Variants in GNAS observed in about 807,000 individuals in gnomAD.
The protein encoded by GNAS is protein ALEX.
A neutral mutation model predicts 54.5 loss-of-function variants in GNAS; 8 were observed. That is an observed-to-expected ratio of 0.15 (90% CI 0.09 to 0.26). GNAS has a LOEUF of 0.26. GNAS is among the 10% of genes least tolerant of loss of function. GNAS has a pLI of 1.00. For missense variants in GNAS, 170 were observed against 529.8 expected (o/e 0.32, Z 6.67); for synonymous variants, 204 against 191.4 (o/e 1.07, Z -0.54).
chr20:58,855,976 T>G, intron 1 of GNAS: 1 of 278,130 alleles, frequency 3.6e-6, no homozygotes, highest in East Asian at 6.5e-5. Context: ...TGGTGGTACC[T>G]GCGCCCGGGC....
At chr20:58,895,118 G>C (rs1468683079) in intron 1 of GNAS, 1 of 211,064 alleles carries the variant, frequency 4.7e-6, no homozygotes, top group Non-Finnish European at 9.6e-6. Flanking sequence ...GCATCGCTAC[G>C]TGATGTGGAA....
chr20:58,910,799 C>T lies in GNAS; in HGVS notation c.1155C>T (p.Arg385=). ...ACGACTGCCGTGACATCATTCAGCG[C>T]ATGCACCTTCGTCAGTACGAGCTGC... ...VFNDCRDIIQ[R]MHLRQYELL The change falls in exon 13 of 13, where the codon CGC becomes CGT. Residue 385 remains arginine, a synonymous_variant. Coordinates refer to ENST00000371085, the MANE Select transcript of GNAS (RefSeq NM_000516.7). This position sits in a 1 kb window ranked among gnomAD's most constrained non-coding sequence, Gnocchi z 5.8. The T allele has an allele frequency of 6.2e-7, 1 of 1,614,192 alleles. No homozygotes were observed. The highest frequency in any genetic ancestry group is 8.5e-7 in the Non-Finnish European group (1 of 1,180,028).
chr20:58,888,537 C>T (rs1012611153), upstream of GNAS: 2 of 152,210 alleles, frequency 1.3e-5, no homozygotes, highest in Non-Finnish European at 2.9e-5. Flanking sequence ...ACTACTTTTC[C>T]CTCTGTTCCA....
At chr20:58,849,982 CAG>C (rs2086092262) in intron 1 of GNAS, among the ~76,000 whole-genome samples, 1 of 152,192 alleles carries the variant, frequency 6.6e-6, no homozygotes, top group Non-Finnish European at 1.5e-5. Flanking sequence ...ATGGCATCCT[CAG>C]AGAGATTCTA....
In GNAS at chr20:58,896,228, A is replaced by ATT. The variant is rs5842244; in HGVS notation, c.212+551_212+552dup. 6.9e-3 allele frequency among the ~76,000 whole-genome samples: 1,048 copies of ATT among 151,716 alleles called. 7 individuals are homozygous for ATT. Among genetic ancestry groups the ATT allele is most frequent in the Non-Finnish European group, 0.012 (789 of 67,826 alleles). On this transcript the variant is annotated intron_variant, in intron 2 of 12. Coordinates refer to ENST00000371085, the MANE Select transcript of GNAS (RefSeq NM_000516.7). ...TGGCAGCCCGTGTTTACAGTTTCTC[A>ATT]TTTTTTTTGTCCCCCTTTAAATTAC...
At chr20:58,848,681 A>G (rs1436003456) in intron 1 of GNAS, among the ~76,000 whole-genome samples, 2 of 152,140 alleles carry the variant, frequency 1.3e-5, no homozygotes, top group Non-Finnish European at 2.9e-5. Context: ...GGATCACCAG[A>G]CAAGCCAACC....
At chr20:58,893,381 A>G (rs994646482) in intron 1 of GNAS, among the ~76,000 whole-genome samples, 1 of 152,244 alleles carries the variant, frequency 6.6e-6, no homozygotes, top group African/African-American at 2.4e-5. Context: ...TTAATTAAAA[A>G]TGGAAGTTTT....
chr20:58,870,055 C>T (rs1057066770), intron 1 of GNAS, among the ~76,000 whole-genome samples: 1 of 152,222 alleles, frequency 6.6e-6, no homozygotes, highest in Non-Finnish European at 1.5e-5. Context: ...AGGCCTCCCA[C>T]ACAAGGACCT....
At chr20:58,851,520 T>C (rs1254769994) in intron 1 of GNAS, among the ~76,000 whole-genome samples, 1 of 152,188 alleles carries the variant, frequency 6.6e-6, no homozygotes, top group Non-Finnish European at 1.5e-5. Context: ...GAGACCGACC[T>C]GATGCGCACC....
rs2085729942 is a variant in GNAS, at chr20:58,841,582, C to CA, written c.43+697dup. ...AGCCCGCCTCCCGTCGCTCGCGGGA[C>CA]AGAGACCGCCTCAAAGAGCGTGCGC... On this transcript the variant is annotated intron_variant, in intron 1 of 12. Coordinates refer to the GNAS transcript ENST00000306090. This position sits in a 1 kb window ranked among gnomAD's most constrained non-coding sequence, Gnocchi z 5.0. The CA allele has an allele frequency of 9.9e-6, 10 of 1,011,204 alleles. No individual in the cohort carries two copies. The highest frequency in any genetic ancestry group is 1.2e-5 in the Non-Finnish European group (10 of 847,586). 62.6% of individuals were successfully genotyped at this position (1,011,204 alleles called of 1,614,324 possible). A position where few individuals can be genotyped will look rare whatever the true frequency, so the allele number is the denominator to read the frequency against.
intron 6 of GNAS, among the ~76,000 whole-genome samples, chr20:58,908,149 T>G (rs1415099198): frequency 6.6e-6 from 1 of 152,184 alleles, no homozygotes; most frequent in African/African-American, 2.4e-5. Flanking sequence ...TTAAATAAAC[T>G]TTTCTCTCTT....
Position 58,904,622 on chromosome 20 carries a change from T to C in GNAS, c.433-761T>C, listed in dbSNP as rs534794902. 9.2e-5 allele frequency among the ~76,000 whole-genome samples: 14 copies of C among 152,200 alleles called. No homozygotes were observed. In the East Asian group the frequency reaches 2.7e-3, roughly 29 times the overall value. On this transcript the variant is annotated intron_variant, in intron 5 of 12. Coordinates refer to ENST00000371085, the MANE Select transcript of GNAS (RefSeq NM_000516.7). ...ACTTGTCTACAGCTAAAACAATGAGTTATTGTTGCCTTTTGTCAGGCTTTC... is the reference window on the plus strand; with the variant it reads ...ACTTGTCTACAGCTAAAACAATGAGCTATTGTTGCCTTTTGTCAGGCTTTC...
chr20:58,878,093 T>C (rs189489845), intron 1 of GNAS, among the ~76,000 whole-genome samples: 2 of 152,314 alleles, frequency 1.3e-5, no homozygotes, highest in African/African-American at 4.8e-5. Flanking sequence ...CAACAGGAAG[T>C]GCAGGCTGTG....
intron 1 of GNAS, among the ~76,000 whole-genome samples, chr20:58,893,118 A>C (rs928170624): frequency 1.6e-5 from 2 of 122,924 alleles, no homozygotes; most frequent in African/African-American, 6.6e-5. Flanking sequence ...GGGGGGATTG[A>C]GAGTGCTCTA....
chr20:58,872,818 G>C (rs1291364350), intron 1 of GNAS, among the ~76,000 whole-genome samples: 1 of 152,158 alleles, frequency 6.6e-6, no homozygotes, highest in Non-Finnish European at 1.5e-5. Flanking sequence ...TCCTGGCATT[G>C]GTGGGGAAAA....
intron 1 of GNAS, among the ~76,000 whole-genome samples, chr20:58,878,256 G>A (rs1247937652): frequency 2.6e-5 from 4 of 152,228 alleles, no homozygotes; most frequent in Non-Finnish European, 5.9e-5. Flanking sequence ...ACACCAAGGG[G>A]CATCGGGCCC....
chr20:58,891,767 A>G lies in GNAS; in HGVS notation c.41A>G (p.Asn14Ser), dbSNP rs752140999. The G allele has an allele frequency of 6.3e-6, 8 of 1,270,710 alleles. No individual in the cohort carries two copies. The highest frequency in any genetic ancestry group is 6.5e-5 in the East Asian group (1 of 15,308). The allele number at this position is 1,270,710 out of a possible 1,614,324, so 78.7% of individuals were successfully genotyped here. A position where few individuals can be genotyped will look rare whatever the true frequency, so the allele number is the denominator to read the frequency against. Residue 14 changes from asparagine to serine, a missense_variant, in exon 1 of 13, where the codon AAC (asparagine) becomes AGC (serine). Asn to Ser is a conservative substitution (Grantham distance 46). This residue lies in a region of GNAS where 56 missense variants were observed against 55.7 expected (regional missense o/e 1.01). Coordinates refer to ENST00000371085, the MANE Select transcript of GNAS (RefSeq NM_000516.7). Reference sequence around the variant, plus strand: ...AACAGTAAGACCGAGGACCAGCGCAACGAGGAGAAGGCGCAGCGTGAGGCC... The same window carrying G: ...AACAGTAAGACCGAGGACCAGCGCAGCGAGGAGAAGGCGCAGCGTGAGGCC... Reference protein sequence around the residue: ...LGNSKTEDQRNEEKAQREANK... With the variant: ...LGNSKTEDQRSEEKAQREANK...
At position 58,853,972 on chromosome 20, in the gene GNAS, A is replaced by G. The variant is rs201290965; in HGVS notation, c.43+13086A>G. On this transcript the variant is annotated intron_variant, in intron 1 of 12. Transcript: ENST00000306090. This position sits in a 1 kb window ranked among gnomAD's most constrained non-coding sequence, Gnocchi z 4.4. The stretch of plus-strand genomic sequence containing the variant: ...CTTGATGGAGAAGGATTTGGGGACG[A>G]CAGCCCACCCCCGGGGCTTTCCCGA... The G allele has an allele frequency of 5.2e-5, 84 of 1,612,190 alleles. 1 individual carries two copies. Among genetic ancestry groups the G allele is most frequent in the Non-Finnish European group, 9.3e-6 (11 of 1,179,784 alleles).
intron 1 of GNAS, among the ~76,000 whole-genome samples, chr20:58,859,578 C>T (rs1443028961): frequency 6.6e-6 from 1 of 151,906 alleles, no homozygotes; most frequent in Non-Finnish European, 1.5e-5. Context: ...GTGATAGGGC[C>T]CCATTTCATA....
Sources: allele counts gnomAD v4.1 joint callset (sites outside exome capture counted in the v4.1 genomes callset), GRCh38; gene constraint gnomAD v4.1.1; regional missense constraint gnomAD v4.1.1; non-coding constraint Gnocchi (gnomAD v3.1); transcripts MANE v1.5; gene names NCBI Gene and HGNC (gene_info 2026-07-23, HGNC 2026-07-21).